The following GSE1 variants were observed in gnomAD, a reference collection of about 807,000 sequenced individuals.
GSE1 encodes the protein Gse1 coiled-coil protein.
GSE1 carries 32 observed loss-of-function variants against 112.6 expected under a neutral mutation model. That is an observed-to-expected ratio of 0.28 (90% CI 0.21 to 0.38). The LOEUF (loss-of-function observed/expected upper bound fraction) is 0.38. GSE1 is among the 10% of genes least tolerant of loss of function. The pLI is 1.00. For synonymous variants in GSE1, 1,115 were observed against 735.6 expected (o/e 1.52, Z -8.35); for missense variants, 2,348 against 1,699.2 (o/e 1.38, Z -6.71).
chr16:85,202,679 A>G (rs2075049370), intron 1 of GSE1, among the ~76,000 whole-genome samples: 1 of 152,186 alleles, frequency 6.6e-6, no homozygotes, highest in Admixed American at 6.5e-5. Flanking sequence ...GGGTTCTGGG[A>G]GAGCCCCTTG....
chr16:85,493,789 T>TAAA (rs1240098387), intron 2 of GSE1, among the ~76,000 whole-genome samples: 1 of 57,048 alleles, frequency 1.8e-5, no homozygotes. Context: ...AGACTCCGTC[T>TAAA]CAAAAAAAAA....
intron 2 of GSE1, among the ~76,000 whole-genome samples, chr16:85,375,509 G>T (rs746330490): frequency 5.3e-5 from 8 of 152,256 alleles, no homozygotes; most frequent in Non-Finnish European, 1.2e-4. Flanking sequence ...TGCTGGTGGG[G>T]TGCAGGGCAG....
chr16:85,611,496 C>G (rs1025270833), upstream of GSE1: 1 of 984,602 alleles, frequency 1.0e-6, no homozygotes, highest in African/African-American at 1.7e-5. Flanking sequence ...GGAAGCAGCA[C>G]CCCCGCGCCG....
intron 1 of GSE1, among the ~76,000 whole-genome samples, chr16:85,597,414 G>A (rs7199301): frequency 0.84 from 122,743 of 146,076 alleles, 52,101 homozygotes; most frequent in East Asian, 0.98. Context: ...AGAAAGTTCT[G>A]TCAGAGAGCA....
chr16:85,231,808 G>T (rs1904289247), intron 1 of GSE1, among the ~76,000 whole-genome samples: 1 of 152,190 alleles, frequency 6.6e-6, no homozygotes, highest in African/African-American at 2.4e-5. Flanking sequence ...CAGAATTACT[G>T]TTGTCTCAGC....
At chr16:85,349,904 C>T (rs945990583) in intron 1 of GSE1, among the ~76,000 whole-genome samples, 1 of 152,176 alleles carries the variant, frequency 6.6e-6, no homozygotes, top group African/African-American at 2.4e-5. Flanking sequence ...GGCCGCTAGG[C>T]GTGGGGGTGC....
At chr16:85,335,179 G>T (rs1489591490) in intron 1 of GSE1, among the ~76,000 whole-genome samples, 1 of 152,230 alleles carries the variant, frequency 6.6e-6, no homozygotes, top group African/African-American at 2.4e-5. Flanking sequence ...AACCTCGGAG[G>T]GTGGAGGGGA....
chr16:85,648,544 C>T lies in GSE1; in HGVS notation c.227-8C>T. On this transcript the variant is annotated splice_region_variant and splice_polypyrimidine_tract_variant and intron_variant, in intron 2 of 15. Coordinates refer to ENST00000253458, the MANE Select transcript of GSE1 (RefSeq NM_014615.5). ...CTCCCACTCAGGCCACCGTCTTCTC[C>T]TCCACAGGGTCCTCACTGAGCAGCG... The T allele has an allele frequency of 6.7e-7, 1 of 1,498,442 alleles. No individual in the cohort carries two copies. The highest frequency in any genetic ancestry group is 9.0e-7 in the Non-Finnish European group (1 of 1,113,664). 92.8% of individuals were successfully genotyped at this position (1,498,442 alleles called of 1,614,324 possible).
chr16:85,660,219 G>C (rs1046093066), intron 8 of GSE1, among the ~76,000 whole-genome samples: 1 of 152,230 alleles, frequency 6.6e-6, no homozygotes, highest in Non-Finnish European at 1.5e-5. Flanking sequence ...GGGAATTCAC[G>C]CAAGCAGGTG....
intron 2 of GSE1, among the ~76,000 whole-genome samples, chr16:85,541,010 G>A (rs909057347): frequency 2.0e-5 from 3 of 152,250 alleles, no homozygotes; most frequent in South Asian, 2.1e-4. Context: ...GTGGTGTGGC[G>A]GGGATGGGGG....
chr16:85,255,335 G>A (rs1906956917), intron 1 of GSE1, among the ~76,000 whole-genome samples: 1 of 152,110 alleles, frequency 6.6e-6, no homozygotes, highest in South Asian at 2.1e-4. Context: ...TTCTGGCTGT[G>A]TGGTCCAGGA....
chr16:85,332,618 C>G (rs1042902151), intron 1 of GSE1, among the ~76,000 whole-genome samples: 1 of 152,186 alleles, frequency 6.6e-6, no homozygotes. Flanking sequence ...CTGCTCTCTG[C>G]GGACCCTGCA....
chr16:85,376,452 C>T lies in GSE1; in HGVS notation c.2464+18809C>T, dbSNP rs1201541054. ...CGGTGGCTGCGCGGGCTGGTCTGGC[C>T]ACCTCCTGGCTCCTTGATGGCAGAT... On this transcript the variant is annotated intron_variant, in intron 2 of 2. Coordinates refer to the GSE1 transcript ENST00000637419. 2.6e-5 allele frequency among the ~76,000 whole-genome samples: 4 copies of T among 152,172 alleles called. No individual in the cohort carries two copies. In the South Asian group the frequency reaches 8.3e-4, roughly 32 times the overall value.
At chr16:85,356,226 C>T (rs968894413) in intron 1 of GSE1, among the ~76,000 whole-genome samples, 2 of 152,190 alleles carry the variant, frequency 1.3e-5, no homozygotes, top group African/African-American at 4.8e-5. Context: ...TCATCGTCGT[C>T]GTCATGGTAG....
At chr16:85,248,163 G>A (rs1262531647) in intron 1 of GSE1, among the ~76,000 whole-genome samples, 2 of 152,116 alleles carry the variant, frequency 1.3e-5, no homozygotes, top group Non-Finnish European at 2.9e-5. Context: ...TGGGGACCCC[G>A]CTGGGCAGGT....
chr16:85,572,548 CACACA>C (rs1393999699), intron 1 of GSE1, among the ~76,000 whole-genome samples: 1 of 150,940 alleles, frequency 6.6e-6, no homozygotes, highest in African/African-American at 2.5e-5. Context: ...GTGCACACAA[CACACA>C]ACACGACATA....
chr16:85,181,560 G>T (rs77986028), intron 1 of GSE1, among the ~76,000 whole-genome samples: 2 of 152,246 alleles, frequency 1.3e-5, no homozygotes, highest in Non-Finnish European at 2.9e-5. Context: ...AAGGCTCTCA[G>T]TTCCGGAGGG....
chr16:85,411,166 G>T (rs1190488023), intron 2 of GSE1, among the ~76,000 whole-genome samples: 6 of 83,448 alleles, frequency 7.2e-5, no homozygotes, highest in Non-Finnish European at 1.1e-4. Context: ...AATCCTCACT[G>T]TTACACTCAG....
intron 2 of GSE1, among the ~76,000 whole-genome samples, chr16:85,637,696 T>C (rs2050118561): frequency 1.3e-5 from 2 of 151,636 alleles, no homozygotes; most frequent in South Asian, 2.1e-4. Flanking sequence ...ATCCCCAGCT[T>C]GTGCCTGAGA....
Sources: allele counts gnomAD v4.1 joint callset (sites outside exome capture counted in the v4.1 genomes callset), GRCh38; gene constraint gnomAD v4.1.1; transcripts MANE v1.5; gene names NCBI Gene and HGNC (gene_info 2026-07-23, HGNC 2026-07-21).